Variants in DLG3 observed in about 807,000 individuals in gnomAD.
DLG3 encodes disks large homolog 3.
DLG3 carries 1 observed loss-of-function variant against 64.1 expected under a neutral mutation model. That is an observed-to-expected ratio of 0.02 (90% CI 0.01 to 0.07). The LOEUF (loss-of-function observed/expected upper bound fraction) is 0.07. Ranked by LOEUF, DLG3 falls within the 10% of genes least tolerant of loss-of-function variation. The pLI, the probability that DLG3 is intolerant of heterozygous loss-of-function variation, is 1.00. For missense variants in DLG3, 429 were observed against 669.5 expected, an observed-to-expected ratio of 0.64 and a Z score of 3.96; for synonymous variants, 245 against 259.8, an observed-to-expected ratio of 0.94 and a Z score of 0.55.
chrX:70,500,855 C>T, intron 17 of DLG3, 43 bp from the exon 18 acceptor site: 1 of 1,091,861 alleles, frequency 9.2e-7, no homozygotes, highest in Admixed American at 2.5e-5. Flanking sequence ...TTAATCAGAA[C>T]ATAAGATCTG....
chrX:70,459,251 A>C (rs1481240955), intron 9 of DLG3, among the ~76,000 whole-genome samples: 2 of 112,377 alleles, frequency 1.8e-5, no homozygotes, highest in South Asian at 3.7e-4. Flanking sequence ...AAGGAGTGAG[A>C]GAGAATGAGA....
chrX:70,445,188 C>T lies in DLG3; in HGVS notation c.-14C>T, dbSNP rs1449312609. 1.4e-4 allele frequency: 164 copies of T among 1,139,819 alleles called. No homozygotes were observed. The highest frequency in any genetic ancestry group is 1.9e-4 in the Non-Finnish European group (161 of 857,254). The allele number at this position is 1,139,819 out of a possible 1,213,427, so 93.9% of individuals were successfully genotyped here. On this transcript the variant is annotated 5_prime_UTR_variant, in exon 1 of 19. Coordinates refer to ENST00000374360, the MANE Select transcript of DLG3 (RefSeq NM_021120.4). ...GGCGTGGGCTGGGGGGTCCGAGCCGCGGGGGGCAGTGCCATGCACAAGCAC... is the reference window on the plus strand; with the variant it reads ...GGCGTGGGCTGGGGGGTCCGAGCCGTGGGGGGCAGTGCCATGCACAAGCAC...
chrX:70,489,924 G>A (rs1254726562), intron 10 of DLG3, among the ~76,000 whole-genome samples: 2 of 110,412 alleles, frequency 1.8e-5, no homozygotes, highest in Non-Finnish European at 3.8e-5. Context: ...GTGCAGTGGC[G>A]CAATCTCGGC....
intron 14 of DLG3, among the ~76,000 whole-genome samples, 174 bp from the exon 15 acceptor site, chrX:70,499,002 C>T (rs1167809026): frequency 1.8e-5 from 2 of 111,811 alleles, no homozygotes; most frequent in Non-Finnish European, 3.8e-5. Flanking sequence ...CTTAGATATT[C>T]TCAAATTAAA....
At chrX:70,487,326 A>T (rs2087271011) in intron 10 of DLG3, among the ~76,000 whole-genome samples, 1 of 112,089 alleles carries the variant, frequency 8.9e-6, no homozygotes, top group South Asian at 3.8e-4. Flanking sequence ...CTGATCCCTG[A>T]AAATAACCCT....
intron 9 of DLG3, among the ~76,000 whole-genome samples, chrX:70,458,184 G>C (rs2086747849): frequency 9.1e-6 from 1 of 110,155 alleles, no homozygotes; most frequent in African/African-American, 3.3e-5. Flanking sequence ...CCTAATTTTT[G>C]TATTTTTAGT....
At chrX:70,446,044 G>A (rs550151512) in intron 1 of DLG3, among the ~76,000 whole-genome samples, 2 of 110,636 alleles carry the variant, frequency 1.8e-5, no homozygotes, top group African/African-American at 6.6e-5. Flanking sequence ...CCATGTGCCC[G>A]GCTCGCTGAG....
chrX:70,501,413 C>CTGTGTGTG (rs58272461), intron 18 of DLG3, among the ~76,000 whole-genome samples: 21 of 93,892 alleles, frequency 2.2e-4, no homozygotes, highest in Admixed American at 3.7e-4. Context: ...GTCTGTCTGT[C>CTGTGTGTG]TGTGTGTGTG....
chrX:70,468,434 A>G (rs2086919435), intron 9 of DLG3, among the ~76,000 whole-genome samples: 1 of 111,511 alleles, frequency 9.0e-6, no homozygotes, highest in South Asian at 3.8e-4. Context: ...GGGGGACAAA[A>G]ACATCCAGTC....
At position 70,450,728 on chromosome X, in the gene DLG3, C is replaced by T. The variant is rs374533701; in HGVS notation, c.930C>T (p.Ala310=). 16 of 1,209,599 alleles carry T rather than the reference C, an allele frequency of 1.3e-5. No homozygotes were observed. Among genetic ancestry groups the T allele is most frequent in the South Asian group, 1.8e-5 (1 of 56,767 alleles). Residue 310 remains alanine (A), a synonymous_variant, in exon 6 of 19, where the codon GCC becomes GCT. Coordinates refer to ENST00000374360, the MANE Select transcript of DLG3 (RefSeq NM_021120.4). Reference sequence around the variant, plus strand: ...CTGATATGGTGTATTTGAAGGTGGCCAAGCCAGGCAGCCTCCACCTCAACG... The same window carrying T: ...CTGATATGGTGTATTTGAAGGTGGCTAAGCCAGGCAGCCTCCACCTCAACG... ...NTSDMVYLKV[A]KPGSLHLNDM... is the part of the protein sequence containing the mutation.
chrX:70,469,610 T>G (rs2086937891), intron 9 of DLG3, among the ~76,000 whole-genome samples: 1 of 109,114 alleles, frequency 9.2e-6, no homozygotes, highest in Admixed American at 9.9e-5. Context: ...GCCTGGCTAA[T>G]TTTTTGTATT....
chrX:70,496,308 G>T (rs1448456334), intron 13 of DLG3, among the ~76,000 whole-genome samples: 1 of 112,541 alleles, frequency 8.9e-6, no homozygotes, highest in Non-Finnish European at 1.9e-5. Context: ...GGGTGGGGGG[G>T]CCACAGCATA....
intron 14 of DLG3, 46 bp downstream of exon 14, chrX:70,498,616 G>C (rs150419860): frequency 3.5e-6 from 4 of 1,136,192 alleles, no homozygotes; most frequent in Non-Finnish European, 4.8e-6. Context: ...TCTCCTGGTC[G>C]TGGGGCTCAA....
intron 15 of DLG3, 101 bp downstream of exon 15, chrX:70,499,378 T>C (rs902075822): frequency 1.7e-5 from 11 of 630,085 alleles, no homozygotes; most frequent in South Asian, 7.0e-5. Context: ...CTAGGGCTAT[T>C]TGGGGACAGG....
chrX:70,492,399 A>G, intron 11 of DLG3, 116 bp downstream of exon 11: 1 of 1,114,270 alleles, frequency 9.0e-7, no homozygotes, highest in Non-Finnish European at 1.2e-6. Context: ...CCTTTTTGGT[A>G]GAGTCGGTAC....
rs2086779221 is a variant in DLG3, at chrX:70,460,269, TGA to T, written c.1405+5956_1405+5957del. Among the ~76,000 whole-genome samples, 16 of 92,899 alleles carry T rather than the reference TGA, an allele frequency of 1.7e-4. 1 individual carries two copies. The South Asian group carries it at 9.3e-3, about 54-fold the overall frequency. 80.7% of individuals were successfully genotyped at this position (92,899 alleles called of 115,157 possible). ...CTACACTCCAGCCTGGTGTCAGAGC[TGA>T]GACTCTGTCTCAAAAAAAAAAAAAA... On this transcript the variant is annotated intron_variant, in intron 9 of 18. Transcript: ENST00000374360.
Position 70,450,769 on chromosome X carries a change from C to T in DLG3, c.971C>T (p.Pro324Leu). 2 of 1,209,993 alleles carry T rather than the reference C, an allele frequency of 1.7e-6. No individual in the cohort carries two copies. The highest frequency in any genetic ancestry group is 1.8e-5 in the South Asian group (1 of 56,779). Reference sequence around the variant, plus strand: ...CACCTCAACGACATGTACGCTCCCCCTGACTACGCCAGCAGTACGTACTCA... The same window carrying T: ...CACCTCAACGACATGTACGCTCCCCTTGACTACGCCAGCAGTACGTACTCA... ...SLHLNDMYAP[P>L]DYASTFTALA... is the part of the protein sequence containing the mutation. Residue 324 changes from proline (P) to leucine (L), a missense_variant, in exon 6 of 19, where the codon CCT becomes CTT. Around this residue, in one of 9 missense-constraint regions of DLG3, gnomAD observed 54 missense variants for 54.4 expected, o/e 0.99. Coordinates refer to ENST00000374360, the MANE Select transcript of DLG3 (RefSeq NM_021120.4).
intron 17 of DLG3, 126 bp downstream of exon 17, chrX:70,500,706 G>A: frequency 1.4e-6 from 1 of 704,297 alleles, no homozygotes. Context: ...TGGTCACTGG[G>A]CGCTCCTGTT....
intron 9 of DLG3, among the ~76,000 whole-genome samples, chrX:70,465,422 G>C (rs2086869777): frequency 8.9e-6 from 1 of 112,129 alleles, no homozygotes; most frequent in Admixed American, 9.5e-5. Flanking sequence ...GAGCAGTGTG[G>C]AGAGAAGTTT....
Sources: gnomAD v4.1 joint callset for allele counts (sites outside exome capture counted in the v4.1 genomes callset) on GRCh38, gnomAD v4.1.1 for gene constraint, gnomAD v4.1.1 regional missense constraint, MANE v1.5 for transcripts, NCBI Gene and HGNC (gene_info 2026-07-23, HGNC 2026-07-21) for gene names.